The following ARHGAP23 variants were observed in gnomAD, a reference collection of about 807,000 sequenced individuals.
The protein encoded by ARHGAP23 is Rho GTPase activating protein 23.
In ARHGAP23, 34 loss-of-function variants were observed where a neutral mutation model predicts 136.3. The ratio of observed to expected loss-of-function variants is 0.25; its 90% CI spans 0.19 to 0.33. The LOEUF (loss-of-function observed/expected upper bound fraction) is 0.33. Among genes scored for constraint, ARHGAP23 ranks in the 10% least tolerant of loss-of-function variants. ARHGAP23 has a pLI of 1.00. For missense variants in ARHGAP23, 1,808 were observed against 2,139.0 expected (o/e 0.85, Z 3.05); for synonymous variants, 832 against 920.5 (o/e 0.90, Z 1.74).
intron 17 of ARHGAP23, 31 bp from the exon 18 acceptor site, chr17:38,490,071 A>C (rs1597831555): frequency 6.5e-7 from 1 of 1,548,376 alleles, no homozygotes; most frequent in Non-Finnish European, 8.7e-7. Context: ...CGCTGCCCCC[A>C]CCTCTCTAAA....
At chr17:38,428,425 T>G (rs923220262), upstream of ARHGAP23, 11 of 941,520 alleles carry the variant, frequency 1.2e-5, no homozygotes, top group Non-Finnish European at 1.6e-5. Context: ...GCCCCGCCCC[T>G]CCCGGGTCCC....
Position 38,461,770 on chromosome 17 carries a change from C to T in ARHGAP23, c.253+838C>T, listed in dbSNP as rs569593881. On this transcript the variant is annotated intron_variant, in intron 3 of 23. Transcript: ENST00000622683. The stretch of plus-strand genomic sequence containing the variant: ...AGTATTAGGTGTCTTGCTGGGTCTG[C>T]GGGAGTGGGCATCCCTGTGAGGAGG... 3.9e-3 allele frequency among the ~76,000 whole-genome samples: 588 copies of T among 152,124 alleles called. 1 individual carries two copies. The highest frequency in any genetic ancestry group is 5.5e-3 in the Non-Finnish European group (376 of 67,980).
chr17:38,465,689 GA>G (rs2039573448), intron 6 of ARHGAP23, among the ~76,000 whole-genome samples: 1 of 152,134 alleles, frequency 6.6e-6, no homozygotes, highest in Admixed American at 6.5e-5. Flanking sequence ...CATTCCCGGG[GA>G]TGGAGGGACA....
chr17:38,510,632 C>A lies in ARHGAP23; in HGVS notation c.4136C>A (p.Thr1379Lys). ...MEALRLRLRG[T>K]ADDMLAVRLR... is the part of the protein sequence containing the mutation. The stretch of plus-strand genomic sequence containing the variant: ...GCGCTGCGTCTAAGGCTCCGCGGCA[C>A]GGCGGACGACATGCTCGCCGTGCGC... The change falls in exon 24 of 24, where the codon ACG becomes AAG. Residue 1379 changes from threonine (T) to lysine (K), a missense_variant. Coordinates refer to ENST00000622683, the MANE Select transcript of ARHGAP23 (RefSeq NM_001199417.2). The surrounding 1 kb of genome is among the most constrained non-coding windows in gnomAD (Gnocchi z 4.6). 7.4e-7 allele frequency: 1 copy of A among 1,352,692 alleles called. No individual in the cohort carries two copies. The highest frequency in any genetic ancestry group is 1.8e-5 in the South Asian group (1 of 54,466). The allele number at this position is 1,352,692 out of a possible 1,614,324, so 83.8% of individuals were successfully genotyped here.
chr17:38,445,290 C>T (rs1020030850), intron 1 of ARHGAP23, among the ~76,000 whole-genome samples: 2 of 135,526 alleles, frequency 1.5e-5, no homozygotes, highest in African/African-American at 5.6e-5. Context: ...CACAGTGAAA[C>T]CCTGTCTCTA....
chr17:38,509,590 C>A (rs1282564301), intron 23 of ARHGAP23, among the ~76,000 whole-genome samples: 2 of 152,104 alleles, frequency 1.3e-5, no homozygotes, highest in East Asian at 3.8e-4. Flanking sequence ...GTGTGTGAAA[C>A]GGATTCAGGC....
chr17:38,469,917 A>G lies in ARHGAP23; in HGVS notation c.1974+13A>G, dbSNP rs1258184584. ...CTTCACCGACGGGGTGAGAGCTGCA[A>G]GTGTGTGTGCGTGCGCAGGAGCGAG... is the stretch of plus-strand genomic sequence containing the variant. On this transcript the variant is annotated intron_variant, in intron 10 of 23. Transcript: ENST00000622683. The G allele has an allele frequency of 6.4e-7, 1 of 1,551,550 alleles. No homozygotes were observed. Among genetic ancestry groups the G allele is most frequent in the Admixed American group, 2.0e-5 (1 of 51,012 alleles).
chr17:38,469,409 C>A, intron 8 of ARHGAP23, 110 bp downstream of exon 8: 1 of 1,461,884 alleles, frequency 6.8e-7, no homozygotes, highest in African/African-American at 1.4e-5. Flanking sequence ...GTTTCCGCTT[C>A]TCCTGCGGCC....
At chr17:38,503,158 C>T (rs943279954) in intron 23 of ARHGAP23, among the ~76,000 whole-genome samples, 4 of 152,176 alleles carry the variant, frequency 2.6e-5, no homozygotes, top group Non-Finnish European at 5.9e-5. Flanking sequence ...GCCCAGAGCC[C>T]GTGAAGCAGC....
intron 1 of ARHGAP23, among the ~76,000 whole-genome samples, chr17:38,423,078 A>G (rs1288688593): frequency 6.6e-6 from 1 of 152,116 alleles, no homozygotes; most frequent in Non-Finnish European, 1.5e-5. Flanking sequence ...TGCTTGCACC[A>G]CAATCTCAGC....
intron 1 of ARHGAP23, among the ~76,000 whole-genome samples, chr17:38,443,219 G>T (rs977197663): frequency 6.6e-5 from 10 of 152,166 alleles, no homozygotes; most frequent in African/African-American, 2.2e-4. Context: ...CGGTGCCCCT[G>T]CAGGTCACCC....
chr17:38,437,141 A>G (rs1014730730), intron 1 of ARHGAP23, among the ~76,000 whole-genome samples: 3 of 152,050 alleles, frequency 2.0e-5, no homozygotes, highest in African/African-American at 4.8e-5. Flanking sequence ...TGGGCCAGGC[A>G]TGGTGGCTCA....
intron 11 of ARHGAP23, among the ~76,000 whole-genome samples, chr17:38,475,488 A>C (rs1376201068): frequency 6.6e-6 from 1 of 152,122 alleles, no homozygotes; most frequent in East Asian, 1.9e-4. Context: ...CAGTTCTGTG[A>C]TGAGCAGGGC....
chr17:38,458,807 G>A (rs556348957), intron 2 of ARHGAP23, among the ~76,000 whole-genome samples: 13 of 152,306 alleles, frequency 8.5e-5, no homozygotes, highest in Admixed American at 5.9e-4. Context: ...CCAGAGTTCC[G>A]GTCCTGGGAC....
At chr17:38,473,688 G>A (rs1180034501) in intron 11 of ARHGAP23, among the ~76,000 whole-genome samples, 1 of 151,058 alleles carries the variant, frequency 6.6e-6, no homozygotes, top group Non-Finnish European at 1.5e-5. Context: ...GCGGGGGCGG[G>A]TGGGCGTGGG....
intron 1 of ARHGAP23, among the ~76,000 whole-genome samples, chr17:38,455,937 A>C (rs866202704): frequency 1.3e-5 from 2 of 152,166 alleles, no homozygotes; most frequent in Admixed American, 6.5e-5. Context: ...AAGATGCTGG[A>C]CTACCCCTGA....
At chr17:38,443,358 T>G (rs2038960886) in intron 1 of ARHGAP23, among the ~76,000 whole-genome samples, 2 of 152,174 alleles carry the variant, frequency 1.3e-5, no homozygotes, top group African/African-American at 4.8e-5. Context: ...GCCTGGGGCA[T>G]AGTAAGCACT....
At chr17:38,455,780 C>G (rs749038070) in intron 1 of ARHGAP23, among the ~76,000 whole-genome samples, 7 of 152,206 alleles carry the variant, frequency 4.6e-5, no homozygotes, top group Non-Finnish European at 8.8e-5. Context: ...GCTCCCTGAT[C>G]AGTTCCTTGC....
At chr17:38,437,371 C>T (rs947214233) in intron 1 of ARHGAP23, among the ~76,000 whole-genome samples, 58 of 152,262 alleles carry the variant, frequency 3.8e-4, no homozygotes, top group African/African-American at 1.3e-3. Context: ...AGTGATCCTC[C>T]TGCCTTGGTC....
Sources: gnomAD v4.1 joint callset for allele counts (sites outside exome capture counted in the v4.1 genomes callset) on GRCh38, gnomAD v4.1.1 for gene constraint, Gnocchi (gnomAD v3.1) non-coding constraint, MANE v1.5 for transcripts, NCBI Gene and HGNC (gene_info 2026-07-23, HGNC 2026-07-21) for gene names.